Variants in MIR2052HG observed in about 807,000 individuals in gnomAD.
The protein encoded by MIR2052HG is MIR2052 host gene.
intron 2 of MIR2052HG, among the ~76,000 whole-genome samples, chr8:74,681,453 A>G (rs769008346): frequency 8.5e-5 from 13 of 152,194 alleles, no homozygotes; most frequent in Non-Finnish European, 1.3e-4. Flanking sequence ...AATAATCAAG[A>G]GAGCCTGGTA....
intron 2 of MIR2052HG, among the ~76,000 whole-genome samples, chr8:74,626,463 G>A (rs1380166526): frequency 1.3e-5 from 2 of 152,104 alleles, no homozygotes; most frequent in East Asian, 1.9e-4. Context: ...AAGTAAGAGG[G>A]CTCCTAGGCA....
intron 1 of MIR2052HG, among the ~76,000 whole-genome samples, chr8:74,602,869 C>CTTTCTTTCTTTCTT (rs1563508663): frequency 2.0e-5 from 3 of 147,602 alleles, no homozygotes; most frequent in South Asian, 4.3e-4. Flanking sequence ...TTCTTTCTTT[C>CTTTCTTTCTTTCTT]TTTCTTTTTT....
intron 4 of MIR2052HG, among the ~76,000 whole-genome samples, chr8:74,727,506 G>T (rs1009641): frequency 6.6e-6 from 1 of 152,000 alleles, no homozygotes; most frequent in African/African-American, 2.4e-5. Flanking sequence ...CCAAGAAGAC[G>T]ATGTTCAGAT....
intron 2 of MIR2052HG, chr8:74,628,664 G>T (rs558886577): frequency 2.6e-5 from 4 of 152,264 alleles, no homozygotes; most frequent in African/African-American, 9.6e-5. Context: ...GATGATCAAA[G>T]GTTACCAACT....
At chr8:74,653,934 T>G (rs1163744997) in intron 2 of MIR2052HG, among the ~76,000 whole-genome samples, 2 of 152,176 alleles carry the variant, frequency 1.3e-5, no homozygotes, top group African/African-American at 4.8e-5. Context: ...GATGGTTTTC[T>G]CAGCAGGTTA....
intron 2 of MIR2052HG, among the ~76,000 whole-genome samples, chr8:74,701,571 G>T (rs760270813): frequency 3.9e-5 from 6 of 152,006 alleles, no homozygotes; most frequent in Non-Finnish European, 5.9e-5. Context: ...ACTGTTCCTA[G>T]GTTATGACAT....
intron 2 of MIR2052HG, among the ~76,000 whole-genome samples, chr8:74,635,299 A>G (rs1010793377): frequency 2.0e-5 from 3 of 152,058 alleles, no homozygotes; most frequent in African/African-American, 7.2e-5. Flanking sequence ...TTAAACATAC[A>G]TAAATAAATA....
intron 4 of MIR2052HG, among the ~76,000 whole-genome samples, chr8:74,736,232 C>T (rs902100923): frequency 6.6e-6 from 1 of 152,160 alleles, no homozygotes; most frequent in Non-Finnish European, 1.5e-5. Context: ...CTCACATTTA[C>T]TTAAAATAGA....
At chr8:74,641,205 A>G (rs1808636112) in intron 2 of MIR2052HG, among the ~76,000 whole-genome samples, 2 of 152,218 alleles carry the variant, frequency 1.3e-5, no homozygotes, top group South Asian at 4.1e-4. Flanking sequence ...AGAACTCTAT[A>G]TTCCAAATGC....
chr8:74,659,490 G>A (rs1421833306), intron 2 of MIR2052HG, among the ~76,000 whole-genome samples: 1 of 152,002 alleles, frequency 6.6e-6, no homozygotes, highest in East Asian at 1.9e-4. Context: ...GCTGAAGCTG[G>A]AGGGCAATAA....
rs189771132 is a variant in MIR2052HG, at chr8:74,616,440, A to G, written n.216+3500A>G. On this transcript the variant is annotated intron_variant and non_coding_transcript_variant, in intron 2 of 6. Transcript: ENST00000523442. ...GAAATGCAAATGCTTTGATTCTTCT[A>G]TATTTTATATATATAATTATTTATC... Among the ~76,000 whole-genome samples the G allele has an allele frequency of 1.1e-4, 17 of 149,876 alleles. No individual in the cohort carries two copies. In the East Asian group the frequency reaches 2.6e-3, roughly 23 times the overall value.
chr8:74,606,893 G>A (rs1447723421), intron 1 of MIR2052HG, among the ~76,000 whole-genome samples: 1 of 151,826 alleles, frequency 6.6e-6, no homozygotes, highest in Non-Finnish European at 1.5e-5. Context: ...TAGCTAGTAT[G>A]TAACAAAGAA....
chr8:74,615,105 C>T (rs58166473), intron 2 of MIR2052HG: 5,558 of 152,246 alleles, frequency 0.037, 338 homozygotes, highest in African/African-American at 0.13. Context: ...ACTTCATTGA[C>T]AGCACCAGCC....
chr8:74,684,718 C>A (rs1005008490), intron 2 of MIR2052HG, among the ~76,000 whole-genome samples: 1 of 152,122 alleles, frequency 6.6e-6, no homozygotes, highest in East Asian at 1.9e-4. Flanking sequence ...GGTTAAGAAC[C>A]ATCACTAAGG....
chr8:74,753,258 C>T (rs184860059), intron 5 of MIR2052HG, among the ~76,000 whole-genome samples: 1 of 152,272 alleles, frequency 6.6e-6, no homozygotes, highest in African/African-American at 2.4e-5. Context: ...ACAACTTTGC[C>T]TTTGAGTGTA....
chr8:74,666,014 A>G (rs1056210801), intron 2 of MIR2052HG, among the ~76,000 whole-genome samples: 2 of 152,114 alleles, frequency 1.3e-5, no homozygotes, highest in African/African-American at 4.8e-5. Context: ...TCTTTCCTTT[A>G]TCAATTACCC....
intron 4 of MIR2052HG, among the ~76,000 whole-genome samples, chr8:74,749,217 A>C (rs1489538713): frequency 2.0e-5 from 3 of 152,210 alleles, no homozygotes; most frequent in African/African-American, 7.2e-5. Context: ...TCCTATCAGC[A>C]AACATATCTT....
chr8:74,605,289 C>T (rs1209024823), intron 1 of MIR2052HG, among the ~76,000 whole-genome samples: 1 of 152,176 alleles, frequency 6.6e-6, no homozygotes, highest in Non-Finnish European at 1.5e-5. Context: ...GCAAATTCTG[C>T]CCAGGGAGGA....
intron 2 of MIR2052HG, among the ~76,000 whole-genome samples, chr8:74,624,153 T>C (rs1041703017): frequency 6.6e-6 from 1 of 152,200 alleles, no homozygotes; most frequent in Non-Finnish European, 1.5e-5. Context: ...GTCCAACTGA[T>C]TTTCCATTTT....
Sources: gnomAD v4.1 joint callset for allele counts (sites outside exome capture counted in the v4.1 genomes callset) on GRCh38, gnomAD v4.1.1 for gene constraint, MANE v1.5 for transcripts, NCBI Gene and HGNC (gene_info 2026-07-23, HGNC 2026-07-21) for gene names.